The following SYNE2 variants were observed in gnomAD, a reference collection of about 807,000 sequenced individuals.
SYNE2 encodes nesprin-2.
In SYNE2, 431 loss-of-function variants were observed where a neutral mutation model predicts 856.3. The observed-to-expected ratio is 0.50, with a 90% CI of 0.47 to 0.55. SYNE2 has a LOEUF of 0.55. Ranked by LOEUF, SYNE2 falls within the 20% of genes least tolerant of loss-of-function variation. The pLI is 0.00. For missense variants in SYNE2, 8,129 were observed against 8,023.2 expected (o/e 1.01, Z -0.50); for synonymous variants, 2,923 against 2,872.3 (o/e 1.02, Z -0.56).
In SYNE2 at chr14:64,104,452, T is replaced by C. The variant is rs920332647; in HGVS notation, c.12492+2410T>C. The stretch of plus-strand genomic sequence containing the variant: ...TTCCTTCTCCCTGTTTTCTCTTTTT[T>C]TTTTTTTTTTTTTTTGAGACAGAGT... On this transcript the variant is annotated intron_variant, in intron 64 of 115. Coordinates refer to ENST00000555002, the MANE Select transcript of SYNE2 (RefSeq NM_182914.3). 1.4e-3 allele frequency among the ~76,000 whole-genome samples: 204 copies of C among 146,782 alleles called. 1 individual carries two copies. Among genetic ancestry groups the C allele is most frequent in the African/African-American group, 4.8e-3 (192 of 39,656 alleles).
chr14:63,965,576 G>C (rs373528996), intron 10 of SYNE2, among the ~76,000 whole-genome samples: 2 of 152,198 alleles, frequency 1.3e-5, no homozygotes, highest in Non-Finnish European at 2.9e-5. Flanking sequence ...ATACAGCACT[G>C]TGCTTCTCCC....
chr14:63,878,340 C>A (rs1021139204), intron 1 of SYNE2, among the ~76,000 whole-genome samples: 4 of 152,248 alleles, frequency 2.6e-5, no homozygotes, highest in South Asian at 4.1e-4. Context: ...GCCTGTAGCC[C>A]TGGTAAGAGG....
intron 31 of SYNE2, among the ~76,000 whole-genome samples, chr14:64,007,917 G>A (rs1051768204): frequency 6.6e-6 from 1 of 152,140 alleles, no homozygotes; most frequent in East Asian, 1.9e-4. Context: ...GGCTGAGGTG[G>A]GAACATCACT....
intron 96 of SYNE2, among the ~76,000 whole-genome samples, 184 bp from the exon 97 acceptor site, chr14:64,186,239 GT>G (rs1235376341): frequency 3.3e-5 from 5 of 152,164 alleles, no homozygotes; most frequent in Non-Finnish European, 7.4e-5. Context: ...TGATAAGAAG[GT>G]GGTGGAGAAC....
intron 2 of SYNE2, among the ~76,000 whole-genome samples, chr14:63,925,277 A>G (rs2095650256): frequency 6.6e-6 from 1 of 152,182 alleles, no homozygotes; most frequent in Non-Finnish European, 1.5e-5. Context: ...AGCTGAGATC[A>G]TGCCACTGCA....
At chr14:63,916,194 A>G (rs17101447) in intron 2 of SYNE2, among the ~76,000 whole-genome samples, 4,706 of 152,274 alleles carry the variant, frequency 0.031, 255 homozygotes, top group African/African-American at 0.11. Flanking sequence ...CATTGTACAA[A>G]TTCAACCAAA....
At chr14:63,834,692 G>C (rs919469876) in intron 1 of SYNE2, among the ~76,000 whole-genome samples, 2 of 146,750 alleles carry the variant, frequency 1.4e-5, no homozygotes, top group African/African-American at 2.5e-5. Context: ...CCAGGCTGGA[G>C]TGCAGTGGCG....
At chr14:64,080,691 G>A in intron 56 of SYNE2, 53 bp downstream of exon 56, 10 of 1,593,582 alleles carry the variant, frequency 6.3e-6, no homozygotes, top group Admixed American at 5.0e-5. Context: ...TTGAGATGGT[G>A]TTAAAGCAAA....
chr14:63,892,622 C>A (rs1595475233), intron 1 of SYNE2, among the ~76,000 whole-genome samples: 1 of 151,384 alleles, frequency 6.6e-6, no homozygotes, highest in East Asian at 1.9e-4. Context: ...ATTGCAACTT[C>A]TTTTTTGTAT....
intron 50 of SYNE2, among the ~76,000 whole-genome samples, chr14:64,065,140 G>A (rs2097348925): frequency 6.6e-6 from 1 of 152,098 alleles, no homozygotes; most frequent in Non-Finnish European, 1.5e-5. Context: ...TGGGATCACA[G>A]GCATGAGCCA....
At position 64,118,417 on chromosome 14, in the gene SYNE2, G is replaced by T. The variant is rs367925582; in HGVS notation, c.12841-1010G>T. Among the ~76,000 whole-genome samples, 24 of 152,308 alleles carry T rather than the reference G, an allele frequency of 1.6e-4. 1 individual carries two copies. Among genetic ancestry groups the T allele is most frequent in the Middle Eastern group, 3.4e-3 (1 of 292 alleles). ...TTGTATCAATAACTAAATATTTCAG[G>T]TTCCAAATTATTTCTTCTATGGTGT... On this transcript the variant is annotated intron_variant, in intron 66 of 115. Coordinates refer to ENST00000555002, the MANE Select transcript of SYNE2 (RefSeq NM_182914.3).
intron 56 of SYNE2, 108 bp from the exon 57 acceptor site, chr14:64,081,335 G>T: frequency 7.1e-7 from 1 of 1,411,414 alleles, no homozygotes; most frequent in Non-Finnish European, 1.0e-6. Context: ...GCAGACATCT[G>T]CAAGGCCTGA....
intron 73 of SYNE2, among the ~76,000 whole-genome samples, chr14:64,128,214 A>G (rs2097969715): frequency 1.3e-5 from 2 of 152,192 alleles, no homozygotes; most frequent in Admixed American, 6.5e-5. Context: ...TTGCTTCAAA[A>G]TAGCCTGAAG....
chr14:64,200,986 A>G (rs1452196163), intron 99 of SYNE2, among the ~76,000 whole-genome samples: 1 of 152,256 alleles, frequency 6.6e-6, no homozygotes, highest in African/African-American at 2.4e-5. Flanking sequence ...CCTTGTAAAT[A>G]AAGCGTGATT....
intron 73 of SYNE2, among the ~76,000 whole-genome samples, chr14:64,127,229 C>G (rs1477096428): frequency 2.6e-5 from 4 of 151,988 alleles, no homozygotes; most frequent in African/African-American, 9.7e-5. Flanking sequence ...CGACTGCACT[C>G]CAGCCTGAGC....
Position 64,025,029 on chromosome 14 carries a change from G to C in SYNE2, c.5958G>C (p.Lys1986Asn), listed in dbSNP as rs747338096. Residue 1986 changes from lysine to asparagine, a missense_variant and splice_region_variant, in exon 40 of 116, where the codon AAG becomes AAC. Lys to Asn is a moderately conservative substitution (Grantham distance 94). Coordinates refer to ENST00000555002, the MANE Select transcript of SYNE2 (RefSeq NM_182914.3). ...TELFCQALAR[K>N]REQFESVAQL... is the part of the protein sequence containing the mutation. Reference sequence around the variant, plus strand: ...TGTTCTGCCAAGCTTTAGCTAGAAAGAGGTATAGCTGATCTTGTATGAAAT... The same window carrying C: ...TGTTCTGCCAAGCTTTAGCTAGAAACAGGTATAGCTGATCTTGTATGAAAT... The C allele has an allele frequency of 6.2e-7, 1 of 1,614,082 alleles. No individual in the cohort carries two copies. The highest frequency in any genetic ancestry group is 8.5e-7 in the Non-Finnish European group (1 of 1,179,956).
chr14:64,078,344 C>A, intron 54 of SYNE2, 122 bp from the exon 55 acceptor site: 1 of 1,187,226 alleles, frequency 8.4e-7, no homozygotes, highest in African/African-American at 1.5e-5. Context: ...AGAATTTCTT[C>A]CCCCAGCCCT....
rs1156497085 is a variant in SYNE2 at position 63,859,963 on chromosome 14, CCCTCCCTCCCTT to C, written c.-52+6828_-52+6839del. 3.7e-5 allele frequency among the ~76,000 whole-genome samples: 5 copies of C among 133,676 alleles called. No individual in the cohort carries two copies. The East Asian group carries it at 1.2e-3, about 32-fold the overall frequency. 87.7% of individuals were successfully genotyped at this position (133,676 alleles called of 152,430 possible). On this transcript the variant is annotated intron_variant, in intron 1 of 115. Transcript: ENST00000555002. ...CCCTTCCTTCCCTCCCTCCCTCCCT[CCCTCCCTCCCTT>C]CCTCCCTTCCTTCCTTCGTTCCTAC...
At chr14:64,213,129 G>GA in intron 105 of SYNE2, 124 bp downstream of exon 105, 1 of 1,003,862 alleles carries the variant, frequency 1.0e-6, no homozygotes, top group South Asian at 1.4e-5. Flanking sequence ...TGGTTGAAAA[G>GA]AAAGGGCTAT....
Sources: gnomAD v4.1 joint callset for allele counts (sites outside exome capture counted in the v4.1 genomes callset) on GRCh38, gnomAD v4.1.1 for gene constraint, MANE v1.5 for transcripts, NCBI Gene and HGNC (gene_info 2026-07-23, HGNC 2026-07-21) for gene names.